LIN7A: variants seen among roughly 807,000 people sequenced by gnomAD.
LIN7A encodes the protein lin-7 cell polarity scaffold A.
LIN7A carries 25 observed loss-of-function variants against 29.8 expected under a neutral mutation model. That is an observed-to-expected ratio of 0.84 (90% CI 0.61 to 1.17). LIN7A has a LOEUF of 1.17. Ranked by LOEUF, LIN7A falls within the 50% of genes most tolerant of loss-of-function variation. LIN7A has a pLI of 0.00. For missense variants in LIN7A, 239 were observed against 287.0 expected (o/e 0.83, Z 1.21); for synonymous variants, 118 against 107.5 (o/e 1.10, Z -0.60).
At chr12:80,884,508 A>G (rs566275696) in intron 2 of LIN7A, among the ~76,000 whole-genome samples, 1 of 152,348 alleles carries the variant, frequency 6.6e-6, no homozygotes, top group East Asian at 1.9e-4. Context: ...CAAAAGGAAG[A>G]GAACATGGCA....
At chr12:80,812,242 A>G (rs1393851781) in intron 4 of LIN7A, among the ~76,000 whole-genome samples, 1 of 151,758 alleles carries the variant, frequency 6.6e-6, no homozygotes, top group Non-Finnish European at 1.5e-5. Flanking sequence ...AATACAAAAT[A>G]ATGGAGACTC....
At chr12:80,840,029 A>AT (rs969200560) in intron 4 of LIN7A, among the ~76,000 whole-genome samples, 6 of 151,868 alleles carry the variant, frequency 4.0e-5, no homozygotes, top group Non-Finnish European at 5.9e-5. Context: ...AGTATGCCAT[A>AT]TTTTTTTTAA....
intron 4 of LIN7A, 37 bp from the exon 5 acceptor site, chr12:80,811,720 T>C (rs1263269190): frequency 2.5e-6 from 4 of 1,578,258 alleles, no homozygotes; most frequent in Non-Finnish European, 3.5e-6. Context: ...GGGAGGAGGT[T>C]CAATGTTCTT....
At chr12:80,811,265 T>C (rs1871271307) in intron 5 of LIN7A, among the ~76,000 whole-genome samples, 200 bp downstream of exon 5, 3 of 152,188 alleles carry the variant, frequency 2.0e-5, no homozygotes. Context: ...ACATAAACTA[T>C]CTTGCTTATA....
Position 80,792,604 on chromosome 12 carries a change from G to GA in LIN7A, c.*5122dup, listed in dbSNP as rs1325622954. On this transcript the variant is annotated 3_prime_UTR_variant, in exon 6 of 6. Coordinates refer to ENST00000552864, the MANE Select transcript of LIN7A (RefSeq NM_004664.4). ...ACTGCACAATTTTGCAGCTCTTTCA[G>GA]AAAAATAATGAAAACAATTGGAAAG... 4 of 152,108 alleles carry GA rather than the reference G, an allele frequency of 2.6e-5. No homozygotes were observed. Among genetic ancestry groups the GA allele is most frequent in the African/African-American group, 7.2e-5 (3 of 41,436 alleles). 9.4% of individuals were successfully genotyped at this position (152,108 alleles called of 1,614,324 possible). A position where few individuals can be genotyped will look rare whatever the true frequency, so the allele number is the denominator to read the frequency against.
At chr12:80,844,971 G>C (rs1872992218) in intron 4 of LIN7A, among the ~76,000 whole-genome samples, 1 of 152,088 alleles carries the variant, frequency 6.6e-6, no homozygotes, top group Admixed American at 6.6e-5. Flanking sequence ...GGGCGCGATG[G>C]TTCACGCCTG....
At chr12:80,880,952 G>T (rs1311929222) in intron 2 of LIN7A, among the ~76,000 whole-genome samples, 1 of 152,096 alleles carries the variant, frequency 6.6e-6, no homozygotes, top group Non-Finnish European at 1.5e-5. Context: ...TCAAGAGTAG[G>T]TTCTATCAAG....
intron 1 of LIN7A, among the ~76,000 whole-genome samples, chr12:80,894,007 G>A (rs1243700685): frequency 6.6e-6 from 1 of 152,186 alleles, no homozygotes; most frequent in African/African-American, 2.4e-5. Context: ...AAATGGATAT[G>A]AGGCTGGAGT....
intron 1 of LIN7A, among the ~76,000 whole-genome samples, chr12:80,931,858 C>T (rs1429428308): frequency 1.3e-5 from 2 of 152,132 alleles, no homozygotes; most frequent in African/African-American, 4.8e-5. Context: ...GGACAAGAGA[C>T]ATAAAATATA....
intron 1 of LIN7A, 71 bp downstream of exon 1, chr12:80,937,570 G>C: frequency 8.6e-7 from 1 of 1,167,168 alleles, no homozygotes; most frequent in Non-Finnish European, 1.2e-6. Flanking sequence ...TGTCCCGTTG[G>C]GAATTGGCAG....
intron 1 of LIN7A, among the ~76,000 whole-genome samples, chr12:80,907,440 G>A (rs981796327): frequency 1.3e-5 from 2 of 152,114 alleles, no homozygotes; most frequent in Non-Finnish European, 2.9e-5. Flanking sequence ...TTAACATTAA[G>A]GAAAGAACAA....
intron 4 of LIN7A, among the ~76,000 whole-genome samples, chr12:80,845,194 A>G (rs1051149791): frequency 1.3e-4 from 19 of 148,876 alleles, no homozygotes; most frequent in African/African-American, 2.2e-4. Flanking sequence ...CTGAGATGGC[A>G]CCACTGCACT....
At chr12:80,886,228 A>T (rs1875318995) in intron 2 of LIN7A, among the ~76,000 whole-genome samples, 1 of 151,980 alleles carries the variant, frequency 6.6e-6, no homozygotes, top group Admixed American at 6.6e-5. Flanking sequence ...CCAGTATTAC[A>T]ATCAGTACCC....
At chr12:80,864,606 G>A (rs1874046753) in intron 2 of LIN7A, among the ~76,000 whole-genome samples, 1 of 152,136 alleles carries the variant, frequency 6.6e-6, no homozygotes, top group Non-Finnish European at 1.5e-5. Flanking sequence ...TCAAGTAGCA[G>A]AGATGCTAAC....
chr12:80,924,894 A>G (rs1175093406), intron 1 of LIN7A, among the ~76,000 whole-genome samples: 1 of 152,196 alleles, frequency 6.6e-6, no homozygotes, highest in African/African-American at 2.4e-5. Context: ...AACTTTTACA[A>G]ATTGTTATTC....
intron 1 of LIN7A, among the ~76,000 whole-genome samples, chr12:80,916,856 A>G (rs1442796635): frequency 6.6e-6 from 1 of 152,172 alleles, no homozygotes; most frequent in Non-Finnish European, 1.5e-5. Context: ...AGAGCAACAC[A>G]GCAAGACTCT....
chr12:80,877,641 G>A (rs893089001), intron 2 of LIN7A, among the ~76,000 whole-genome samples: 15 of 152,082 alleles, frequency 9.9e-5, no homozygotes, highest in Admixed American at 9.2e-4. Context: ...AAGAAAGGAA[G>A]AGAGTAAGCT....
chr12:80,926,510 A>T (rs1246802240), intron 1 of LIN7A, among the ~76,000 whole-genome samples: 2 of 152,182 alleles, frequency 1.3e-5, no homozygotes, highest in Non-Finnish European at 2.9e-5. Flanking sequence ...ATTATCTAAC[A>T]GCTTTGTAGT....
rs369712375 is a variant in LIN7A, at chr12:80,917,508, G to A, written c.82+20133C>T. ...AAAATGGTGCTATTTTTTTCTGTGA[G>A]TACATAAAAATGGTATTATAATTTA... On this transcript the variant is annotated intron_variant, in intron 1 of 5. Transcript: ENST00000552864. Among the ~76,000 whole-genome samples, 4 of 152,082 alleles carry A rather than the reference G, an allele frequency of 2.6e-5. No homozygotes were observed. The South Asian group carries it at 8.3e-4, about 32-fold the overall frequency.
Sources: gnomAD v4.1 joint callset for allele counts (sites outside exome capture counted in the v4.1 genomes callset) on GRCh38, gnomAD v4.1.1 for gene constraint, MANE v1.5 for transcripts, NCBI Gene and HGNC (gene_info 2026-07-23, HGNC 2026-07-21) for gene names.